The following SYNE2 variants were observed in gnomAD, a reference collection of about 807,000 sequenced individuals.
The protein encoded by SYNE2 is spectrin repeat containing nuclear envelope protein 2.
SYNE2 carries 431 observed loss-of-function variants against 856.3 expected under a neutral mutation model. The ratio of observed to expected loss-of-function variants is 0.50; its 90% CI spans 0.47 to 0.55. SYNE2 has a LOEUF of 0.55. SYNE2 is among the 20% of genes least tolerant of loss of function. The pLI is 0.00. For synonymous variants in SYNE2, 2,923 were observed against 2,872.3 expected (o/e 1.02, Z -0.56); for missense variants, 8,129 against 8,023.2 (o/e 1.01, Z -0.50).
In SYNE2 at chr14:64,052,970, A is replaced by G. The variant is rs367619644; in HGVS notation, c.9057A>G (p.Gln3019=). 43 of 1,610,308 alleles carry G rather than the reference A, an allele frequency of 2.7e-5. No individual in the cohort carries two copies. In the Middle Eastern group the frequency reaches 4.9e-4, roughly 18 times the overall value. Residue 3019 remains glutamine (Q), a synonymous_variant, in exon 48 of 116, where the codon CAA becomes CAG. Coordinates refer to ENST00000555002, the MANE Select transcript of SYNE2 (RefSeq NM_182914.3). ...GLNWDFSQLD[Q]LQTQVFEKEK... ...ACTGGGATTTTTCACAACTTGACCA[A>G]TTACAAACCCAAGTATTTGAAAAAG...
At chr14:63,776,840 A>T (rs920499104) in intron 1 of SYNE2, among the ~76,000 whole-genome samples, 1 of 152,110 alleles carries the variant, frequency 6.6e-6, no homozygotes, top group Non-Finnish European at 1.5e-5. Context: ...ACCTCAAGTG[A>T]TCCGCCCACC....
intron 70 of SYNE2, among the ~76,000 whole-genome samples, chr14:64,123,274 G>C (rs2153668473): frequency 6.6e-6 from 1 of 152,262 alleles, no homozygotes. Context: ...TATCAGGCTG[G>C]CTTGCTGTGT....
chr14:63,871,159 T>C (rs945030), intron 1 of SYNE2, among the ~76,000 whole-genome samples: 96,126 of 151,856 alleles, frequency 0.63, 30,893 homozygotes, highest in South Asian at 0.77. Context: ...TAAAGAGTAA[T>C]ACAAACTCAA....
rs999859130 is a variant in SYNE2 at position 64,062,500 on chromosome 14, T to TA, written c.10068-239dup. ...GTTTTCATTTTACTGAAGTGAACTTTAAAAAAAAAAAATCTTCATTTTAGA... is the reference window on the plus strand; with the variant it reads ...GTTTTCATTTTACTGAAGTGAACTTTAAAAAAAAAAAAATCTTCATTTTAGA... On this transcript the variant is annotated intron_variant, in intron 49 of 115. Transcript: ENST00000555002. Among the ~76,000 whole-genome samples the TA allele has an allele frequency of 6.0e-3, 888 of 147,774 alleles. 9 individuals carry two copies. The highest frequency in any genetic ancestry group is 0.019 in the African/African-American group (790 of 40,588).
chr14:63,778,678 C>A (rs8005527), intron 1 of SYNE2, among the ~76,000 whole-genome samples: 65,156 of 151,810 alleles, frequency 0.43, 15,640 homozygotes, highest in South Asian at 0.63. Context: ...CCATGCCAAG[C>A]TAATTTTTGT....
intron 100 of SYNE2, among the ~76,000 whole-genome samples, chr14:64,207,076 C>T (rs2098608800): frequency 6.6e-6 from 1 of 152,216 alleles, no homozygotes; most frequent in South Asian, 2.1e-4. Flanking sequence ...TTAAAGAAAT[C>T]ACCCTGCACA....
intron 1 of SYNE2, among the ~76,000 whole-genome samples, chr14:63,903,403 T>G (rs2095363919): frequency 6.6e-6 from 1 of 152,230 alleles, no homozygotes. Context: ...AACAGAAACT[T>G]CTTAGACATC....
Position 64,220,773 on chromosome 14 carries a change from ATT to A in SYNE2, c.20061+138_20061+139del, listed in dbSNP as rs1456181142. ...GGTGTCAGGAAACATGTGCTTTACC[ATT>A]TGTTTCCACAGAGGCTCACCGGCCA... On this transcript the variant is annotated intron_variant, in intron 111 of 115. Transcript: ENST00000555002. 1.9e-5 allele frequency: 21 copies of A among 1,080,364 alleles called. No individual in the cohort carries two copies. In the Admixed American group the frequency reaches 3.3e-4, roughly 17 times the overall value. The allele number at this position is 1,080,364 out of a possible 1,614,324, so 66.9% of individuals were successfully genotyped here. A position where few individuals can be genotyped will look rare whatever the true frequency, so the allele number is the denominator to read the frequency against.
intron 99 of SYNE2, chr14:64,202,334 TACC>T: frequency 1.4e-6 from 1 of 701,808 alleles, no homozygotes. Flanking sequence ...GTGGACCAAA[TACC>T]ACCAAGTGAA....
intron 67 of SYNE2, 132 bp downstream of exon 67, chr14:64,119,741 T>A: frequency 1.2e-6 from 1 of 866,784 alleles, no homozygotes; most frequent in Non-Finnish European, 1.8e-6. Context: ...TTTCACACAT[T>A]AACACCATAG....
intron 1 of SYNE2, among the ~76,000 whole-genome samples, chr14:63,822,822 G>C (rs1474539031): frequency 6.6e-6 from 1 of 152,122 alleles, no homozygotes; most frequent in East Asian, 1.9e-4. Context: ...AAGAAGAAAG[G>C]GCTGGGTACA....
intron 51 of SYNE2, among the ~76,000 whole-genome samples, chr14:64,066,342 T>TAA (rs946090793): frequency 6.6e-6 from 1 of 150,876 alleles, no homozygotes; most frequent in African/African-American, 2.4e-5. Context: ...CTACAAAAAA[T>TAA]AAAAAAAAAT....
intron 2 of SYNE2, 35 bp from the exon 3 acceptor site, chr14:63,940,579 T>C: frequency 1.2e-6 from 2 of 1,609,072 alleles, no homozygotes; most frequent in Middle Eastern, 1.7e-4. Context: ...CTGAGGCTTC[T>C]GGTTTTATAA....
At chr14:63,768,267 T>C (rs1475147921) in intron 1 of SYNE2, among the ~76,000 whole-genome samples, 1 of 151,772 alleles carries the variant, frequency 6.6e-6, no homozygotes, top group Non-Finnish European at 1.5e-5. Context: ...TGACTTGAAG[T>C]AAAATTAAAT....
chr14:63,782,898 C>T (rs1292430061), intron 1 of SYNE2, among the ~76,000 whole-genome samples: 1 of 151,842 alleles, frequency 6.6e-6, no homozygotes, highest in Non-Finnish European at 1.5e-5. Context: ...TTAATATCCT[C>T]AAATATTAAT....
intron 64 of SYNE2, among the ~76,000 whole-genome samples, chr14:64,105,718 A>G (rs1156951065): frequency 1.3e-5 from 2 of 152,236 alleles, no homozygotes; most frequent in African/African-American, 4.8e-5. Context: ...GAATCAAAGT[A>G]TATATCCATT....
intron 1 of SYNE2, among the ~76,000 whole-genome samples, chr14:63,859,537 G>C (rs1892918537): frequency 6.6e-6 from 1 of 152,112 alleles, no homozygotes; most frequent in Non-Finnish European, 1.5e-5. Context: ...TTTTAAAATT[G>C]GCTGGGCGTG....
chr14:64,214,511 TG>T, intron 106 of SYNE2, 41 bp downstream of exon 106: 2 of 1,577,234 alleles, frequency 1.3e-6, no homozygotes, highest in Non-Finnish European at 1.7e-6. Flanking sequence ...GTGACCCGTT[TG>T]GCTATGTTTT....
intron 45 of SYNE2, among the ~76,000 whole-genome samples, chr14:64,033,564 T>A (rs149264887): frequency 0.02 from 3,067 of 151,566 alleles, 56 homozygotes; most frequent in Non-Finnish European, 0.028. Context: ...CACATGCCTA[T>A]AGTCCCAGCT....
Sources: gnomAD v4.1 joint callset for allele counts (sites outside exome capture counted in the v4.1 genomes callset) on GRCh38, gnomAD v4.1.1 for gene constraint, MANE v1.5 for transcripts, NCBI Gene and HGNC (gene_info 2026-07-23, HGNC 2026-07-21) for gene names.